The following UBE2D2 variants were observed in gnomAD, a reference collection of about 807,000 sequenced individuals.
UBE2D2 encodes ubiquitin-conjugating enzyme E2 D2.
UBE2D2 carries 2 observed loss-of-function variants against 24.2 expected under a neutral mutation model. The ratio of observed to expected loss-of-function variants is 0.08; its 90% CI spans 0.03 to 0.26. UBE2D2 has a LOEUF of 0.26. UBE2D2 is among the 10% of genes least tolerant of loss of function. The probability of loss-of-function intolerance (pLI) is 1.00; values close to 1 mark genes in which losing one functional copy is unlikely to be tolerated. For synonymous variants in UBE2D2, 58 were observed against 56.5 expected, an observed-to-expected ratio of 1.03 and a Z score of -0.12; for missense variants, 44 against 177.6, an observed-to-expected ratio of 0.25 and a Z score of 4.28.
chr5:139,553,536 G>C (rs1304459840), intron 1 of UBE2D2, among the ~76,000 whole-genome samples: 1 of 152,140 alleles, frequency 6.6e-6, no homozygotes, highest in Non-Finnish European at 1.5e-5. Context: ...TAACAACCAA[G>C]AGGGGAGATC....
chr5:139,583,741 G>A (rs1377030276), intron 1 of UBE2D2, among the ~76,000 whole-genome samples: 6 of 152,164 alleles, frequency 3.9e-5, no homozygotes, highest in Non-Finnish European at 8.8e-5. Context: ...TAGCCTGGGC[G>A]ACGGAGCGAG....
At chr5:139,540,273 T>A (rs1162080574) in intron 1 of UBE2D2, among the ~76,000 whole-genome samples, 1 of 152,142 alleles carries the variant, frequency 6.6e-6, no homozygotes, top group Non-Finnish European at 1.5e-5. Flanking sequence ...AAGGGAACAC[T>A]GGAACTCTCT....
At position 139,585,536 on chromosome 5, in the gene UBE2D2, TTC is replaced by T. The variant is rs1277084879; in HGVS notation, c.25-14834_25-14833del. Among the ~76,000 whole-genome samples, 4 of 152,158 alleles carry T rather than the reference TTC, an allele frequency of 2.6e-5. No homozygotes were observed. In the East Asian group the frequency reaches 5.8e-4, roughly 22 times the overall value. On this transcript the variant is annotated intron_variant, in intron 1 of 6. Coordinates refer to ENST00000398733, the MANE Select transcript of UBE2D2 (RefSeq NM_003339.3). Reference sequence around the variant, plus strand: ...AGTCCCTGTGCCTGGCCTATAGACTTTCTGTTTCCTGCCGCTATTGGTGATTG... The same window carrying T: ...AGTCCCTGTGCCTGGCCTATAGACTTTGTTTCCTGCCGCTATTGGTGATTG...
At chr5:139,546,505 CAG>C (rs1752827478) in intron 1 of UBE2D2, among the ~76,000 whole-genome samples, 1 of 149,464 alleles carries the variant, frequency 6.7e-6, no homozygotes, top group Admixed American at 6.7e-5. Flanking sequence ...TTGTTTGAAA[CAG>C]AGTCTTGCTC....
intron 1 of UBE2D2, among the ~76,000 whole-genome samples, chr5:139,535,127 G>A (rs545327821): frequency 6.6e-6 from 1 of 150,932 alleles, no homozygotes; most frequent in African/African-American, 2.4e-5. Context: ...GGGTGACAAA[G>A]TGAGACTTTA....
chr5:139,621,148 T>C (rs1754507285), intron 5 of UBE2D2, among the ~76,000 whole-genome samples: 1 of 152,094 alleles, frequency 6.6e-6, no homozygotes, highest in Non-Finnish European at 1.5e-5. Flanking sequence ...GAGAGTGAGG[T>C]GGGAGGATGA....
intron 1 of UBE2D2, among the ~76,000 whole-genome samples, chr5:139,540,666 A>G (rs1040392697): frequency 6.6e-5 from 10 of 152,162 alleles, no homozygotes; most frequent in African/African-American, 2.2e-4. Flanking sequence ...TATGACATAC[A>G]GTGTCTATAT....
intron 1 of UBE2D2, among the ~76,000 whole-genome samples, chr5:139,528,209 T>C (rs911373345): frequency 2.0e-5 from 3 of 152,246 alleles, no homozygotes; most frequent in Non-Finnish European, 4.4e-5. Context: ...TCAGCCCTTG[T>C]TCATCCCCGA....
At chr5:139,618,435 G>A (rs1333749842) in intron 5 of UBE2D2, among the ~76,000 whole-genome samples, 1 of 152,074 alleles carries the variant, frequency 6.6e-6, no homozygotes, top group Non-Finnish European at 1.5e-5. Flanking sequence ...TTTTCTTTTG[G>A]TAGGCCCCCT....
chr5:139,549,309 G>C (rs1286826261), intron 1 of UBE2D2, among the ~76,000 whole-genome samples: 1 of 152,174 alleles, frequency 6.6e-6, no homozygotes, highest in Non-Finnish European at 1.5e-5. Context: ...GCTGAGGCCG[G>C]AGCCAGCTCC....
chr5:139,600,959 C>T (rs1054206399), intron 2 of UBE2D2, among the ~76,000 whole-genome samples: 1 of 152,176 alleles, frequency 6.6e-6, no homozygotes, highest in South Asian at 2.1e-4. Context: ...CATGCCACCA[C>T]GCCTGATTAA....
upstream of UBE2D2, among the ~76,000 whole-genome samples, chr5:139,557,988 T>C (rs188530383): frequency 2.2e-3 from 339 of 152,066 alleles, 2 homozygotes; most frequent in African/African-American, 7.7e-3. Context: ...TAGTTCCAGC[T>C]ACTCAGCGGG....
chr5:139,602,396 G>A (rs1045498871), intron 2 of UBE2D2, among the ~76,000 whole-genome samples: 3 of 152,162 alleles, frequency 2.0e-5, no homozygotes, highest in Admixed American at 2.0e-4. Context: ...TTGTGTCTGG[G>A]CCCAGCCCAG....
chr5:139,531,625 C>CAAAAAAA (rs112323447), intron 1 of UBE2D2, among the ~76,000 whole-genome samples: 1 of 97,354 alleles, frequency 1.0e-5, no homozygotes. Context: ...AGACCCTATC[C>CAAAAAAA]AAAAAAAAAA....
At chr5:139,543,531 C>T (rs1041409652) in intron 1 of UBE2D2, among the ~76,000 whole-genome samples, 1 of 152,232 alleles carries the variant, frequency 6.6e-6, no homozygotes, top group African/African-American at 2.4e-5. Context: ...CTTACCCCGC[C>T]GGAGGGCGCC....
intron 5 of UBE2D2, among the ~76,000 whole-genome samples, chr5:139,617,108 G>A (rs1050577768): frequency 6.6e-6 from 1 of 151,824 alleles, no homozygotes; most frequent in African/African-American, 2.4e-5. Flanking sequence ...ACTTGAACCC[G>A]GGAGACGGAG....
intron 1 of UBE2D2, among the ~76,000 whole-genome samples, chr5:139,599,758 CAAA>C (rs753190604): frequency 2.0e-5 from 3 of 151,106 alleles, no homozygotes; most frequent in African/African-American, 4.9e-5. Flanking sequence ...AACAAACAAA[CAAA>C]AAAAACAGTA....
intron 1 of UBE2D2, among the ~76,000 whole-genome samples, chr5:139,548,277 G>A (rs149149615): frequency 4.7e-4 from 71 of 150,474 alleles, no homozygotes; most frequent in African/African-American, 1.6e-3. Context: ...ATATATGCAC[G>A]GCCTCTCATT....
chr5:139,583,321 G>GT (rs1753647165), intron 1 of UBE2D2, among the ~76,000 whole-genome samples: 1 of 152,134 alleles, frequency 6.6e-6, no homozygotes, highest in Admixed American at 6.5e-5. Context: ...TTTTTTAAGT[G>GT]TTTTCACTAC....
Sources: allele counts gnomAD v4.1 joint callset (sites outside exome capture counted in the v4.1 genomes callset), GRCh38; gene constraint gnomAD v4.1.1; transcripts MANE v1.5; gene names NCBI Gene and HGNC (gene_info 2026-07-23, HGNC 2026-07-21).